ZC3H12B: variants seen among roughly 807,000 people sequenced by gnomAD.
ZC3H12B encodes zinc finger CCCH-type containing 12B.
In ZC3H12B, 7 loss-of-function variants were observed where a neutral mutation model predicts 43.9. The observed-to-expected ratio is 0.16, with a 90% CI of 0.09 to 0.30. The LOEUF is 0.30. Ranked by LOEUF, ZC3H12B falls within the 10% of genes least tolerant of loss-of-function variation. The pLI is 1.00. For synonymous variants in ZC3H12B, 222 were observed against 241.7 expected, an observed-to-expected ratio of 0.92 and a Z score of 0.76; for missense variants, 475 against 670.2, an observed-to-expected ratio of 0.71 and a Z score of 3.22.
At chrX:65,264,501 A>AT in the ZC3H12B span, among the ~76,000 whole-genome samples, 4 of 111,742 alleles carry the variant, frequency 3.6e-5, no homozygotes, top group Admixed American at 3.8e-4. Context: ...CCCATATCTC[A>AT]TTTCCATACC....
chrX:65,496,474 A>C lies in ZC3H12B; in HGVS notation c.609-658A>C, dbSNP rs768408304. Among the ~76,000 whole-genome samples the C allele has an allele frequency of 6.8e-4, 76 of 111,955 alleles. 1 individual carries two copies. Among genetic ancestry groups the C allele is most frequent in the Non-Finnish European group, 6.4e-4 (34 of 53,288 alleles). ...TTGAAAAGAAAGTGGTAGGAGAAACAGAAAAAGAAGAGAGAAAATGGAACT... is the reference window on the plus strand; with the variant it reads ...TTGAAAAGAAAGTGGTAGGAGAAACCGAAAAAGAAGAGAGAAAATGGAACT... On this transcript the variant is annotated intron_variant, in intron 1 of 4. Transcript: ENST00000338957.
the ZC3H12B span, among the ~76,000 whole-genome samples, chrX:65,146,157 T>C: frequency 1.8e-5 from 2 of 110,844 alleles, no homozygotes; most frequent in Non-Finnish European, 3.8e-5. Context: ...TCCCAGGGTT[T>C]TGGGGGTCTT....
the ZC3H12B span, among the ~76,000 whole-genome samples, chrX:65,193,008 G>C: frequency 4.5e-5 from 5 of 110,558 alleles, no homozygotes; most frequent in South Asian, 7.7e-4. Flanking sequence ...TCTTGACCTC[G>C]TGATCCACTC....
chrX:65,350,833 T>C, the ZC3H12B span, among the ~76,000 whole-genome samples: 1 of 111,618 alleles, frequency 9.0e-6, no homozygotes, highest in African/African-American at 3.3e-5. Flanking sequence ...CACAAACAAA[T>C]GGAAAAACAT....
chrX:65,456,611 GTT>G (rs747531648), intron 3 of ZC3H12B, among the ~76,000 whole-genome samples: 1 of 98,783 alleles, frequency 1.0e-5, no homozygotes. Flanking sequence ...ACTGGTTTTC[GTT>G]TTTTTTTTTT....
intron 3 of ZC3H12B, among the ~76,000 whole-genome samples, chrX:65,415,026 G>A (rs956883312): frequency 6.2e-5 from 7 of 112,304 alleles, no homozygotes; most frequent in African/African-American, 2.3e-4. Flanking sequence ...ATTTTGGGAA[G>A]GCATAAGACA....
At chrX:65,284,572 G>C in the ZC3H12B span, among the ~76,000 whole-genome samples, 3 of 111,232 alleles carry the variant, frequency 2.7e-5, no homozygotes, top group African/African-American at 6.5e-5. Context: ...GAACAGCCTG[G>C]CCAACATGGT....
chrX:65,355,223 T>C, the ZC3H12B span, among the ~76,000 whole-genome samples: 1 of 111,291 alleles, frequency 9.0e-6, no homozygotes, highest in Admixed American at 9.6e-5. Flanking sequence ...AAAGGTTGGG[T>C]TACCTACAAA....
chrX:65,268,020 A>G, the ZC3H12B span, among the ~76,000 whole-genome samples: 1 of 110,823 alleles, frequency 9.0e-6, no homozygotes. Flanking sequence ...GGCCCTAGCT[A>G]GAATAACAAA....
At chrX:65,078,606 C>A in the ZC3H12B span, among the ~76,000 whole-genome samples, 1 of 111,515 alleles carries the variant, frequency 9.0e-6, no homozygotes, top group Non-Finnish European at 1.9e-5. Context: ...TTATCATTGA[C>A]CTTAGTGAGA....
the ZC3H12B span, among the ~76,000 whole-genome samples, chrX:65,235,696 G>T: frequency 9.0e-6 from 1 of 111,604 alleles, no homozygotes; most frequent in African/African-American, 3.3e-5. Flanking sequence ...ACATGGTGGT[G>T]CCCCAAAACT....
chrX:65,489,863 G>A (rs1409009929), intron 1 of ZC3H12B, among the ~76,000 whole-genome samples: 1 of 111,636 alleles, frequency 9.0e-6, no homozygotes, highest in Non-Finnish European at 1.9e-5. Context: ...CCATTTGATT[G>A]CATCTCTCAT....
At chrX:65,252,054 A>G in the ZC3H12B span, among the ~76,000 whole-genome samples, 1 of 111,863 alleles carries the variant, frequency 8.9e-6, no homozygotes, top group Admixed American at 9.5e-5. Context: ...CCCATTCAGT[A>G]TGATATTGGC....
intron 3 of ZC3H12B, among the ~76,000 whole-genome samples, chrX:65,435,666 A>ATAGAT (rs2067211962): frequency 9.1e-6 from 1 of 109,588 alleles, no homozygotes; most frequent in Admixed American, 9.9e-5. Context: ...AGATAGATAG[A>ATAGAT]TAGATAGATA....
intron 3 of ZC3H12B, among the ~76,000 whole-genome samples, chrX:65,477,750 G>A (rs970599646): frequency 1.8e-5 from 2 of 109,174 alleles, no homozygotes; most frequent in Non-Finnish European, 3.8e-5. Context: ...GGGTGACAGA[G>A]CAAGACTCTG....
At chrX:65,252,943 T>G in the ZC3H12B span, among the ~76,000 whole-genome samples, 5 of 112,212 alleles carry the variant, frequency 4.5e-5, no homozygotes, top group African/African-American at 9.7e-5. Context: ...ATACGTTTTT[T>G]GGGATTATGT....
chrX:65,214,042 C>T, the ZC3H12B span, among the ~76,000 whole-genome samples: 1 of 110,751 alleles, frequency 9.0e-6, no homozygotes, highest in East Asian at 2.8e-4. Context: ...AGCATTGTGT[C>T]TAAAAAATGT....
intron 1 of ZC3H12B, among the ~76,000 whole-genome samples, chrX:65,367,429 C>T (rs995503401): frequency 9.0e-6 from 1 of 111,415 alleles, no homozygotes; most frequent in East Asian, 2.8e-4. Flanking sequence ...TTGAACATGT[C>T]GCACATCTAA....
At chrX:65,174,767 C>T in the ZC3H12B span, among the ~76,000 whole-genome samples, 1 of 111,627 alleles carries the variant, frequency 9.0e-6, no homozygotes, top group Non-Finnish European at 1.9e-5. Flanking sequence ...CTGCTGTGCT[C>T]GCAGTGAGAA....
Sources: gnomAD v4.1 joint callset for allele counts (sites outside exome capture counted in the v4.1 genomes callset) on GRCh38, gnomAD v4.1.1 for gene constraint, MANE v1.5 for transcripts, NCBI Gene and HGNC (gene_info 2026-07-23, HGNC 2026-07-21) for gene names.